Variants in ARID1B observed in about 807,000 individuals in gnomAD.
ARID1B encodes the protein AT-rich interaction domain 1B.
A neutral mutation model predicts 212.3 loss-of-function variants in ARID1B; 30 were observed. The observed-to-expected ratio is 0.14, with a 90% CI of 0.11 to 0.19. ARID1B has a LOEUF of 0.19. Ranked by LOEUF, ARID1B falls within the 10% of genes least tolerant of loss-of-function variation. The pLI is 1.00. For synonymous variants in ARID1B, 1,402 were observed against 1,301.7 expected (o/e 1.08, Z -1.66); for missense variants, 2,891 against 3,204.0 (o/e 0.90, Z 2.36).
intron 1 of ARID1B, among the ~76,000 whole-genome samples, chr6:156,817,984 A>AC (rs1355522905): frequency 2.0e-5 from 3 of 152,060 alleles, no homozygotes; most frequent in Admixed American, 1.3e-4. Context: ...GCATACTTTA[A>AC]CCTACAGTCT....
In ARID1B at chr6:156,990,200, G is replaced by A. The variant is rs1206114475; in HGVS notation, c.2247+54624G>A. 2.1e-5 allele frequency among the ~76,000 whole-genome samples: 3 copies of A among 144,626 alleles called. No individual in the cohort carries two copies. The East Asian group carries it at 6.2e-4, about 30-fold the overall frequency. 94.9% of individuals were successfully genotyped at this position (144,626 alleles called of 152,430 possible). A position where few individuals can be genotyped will look rare whatever the true frequency, so the allele number is the denominator to read the frequency against. On this transcript the variant is annotated intron_variant, in intron 4 of 19. Transcript: ENST00000636930. ...TTTTTTTTTTTTTTTTTTAAAGAGA[G>A]TCTCATTCTGTGGCCCAAGCTGGAG...
At chr6:157,202,438 T>C (rs1471788890) in intron 18 of ARID1B, among the ~76,000 whole-genome samples, 1 of 152,108 alleles carries the variant, frequency 6.6e-6, no homozygotes, top group African/African-American at 2.4e-5. Flanking sequence ...TAAGGAGATG[T>C]AGATTGAGAG....
chr6:156,797,814 T>C (rs1462532938), intron 1 of ARID1B, among the ~76,000 whole-genome samples: 2 of 152,188 alleles, frequency 1.3e-5, no homozygotes, highest in Non-Finnish European at 2.9e-5. Flanking sequence ...GACACTGCCC[T>C]GCGGAGCACG....
At chr6:156,913,326 C>T (rs1431264820) in intron 3 of ARID1B, among the ~76,000 whole-genome samples, 2 of 150,916 alleles carry the variant, frequency 1.3e-5, no homozygotes, top group African/African-American at 4.9e-5. Context: ...AAGCAATTCT[C>T]CTGCCTCAGC....
chr6:157,205,902 G>A (rs1415309090), intron 19 of ARID1B: 1 of 445,610 alleles, frequency 2.2e-6, no homozygotes, highest in Non-Finnish European at 4.1e-6. Context: ...AGAATAAAAA[G>A]TAAGTTTTCG....
chr6:156,931,190 C>CAAAAAAAA, intron 3 of ARID1B, among the ~76,000 whole-genome samples: 1 of 90,186 alleles, frequency 1.1e-5, no homozygotes. Flanking sequence ...GACTCAGTCT[C>CAAAAAAAA]AAAAAAAAAA....
At chr6:157,014,026 G>T (rs1218468462) in intron 4 of ARID1B, among the ~76,000 whole-genome samples, 1 of 152,102 alleles carries the variant, frequency 6.6e-6, no homozygotes, top group Non-Finnish European at 1.5e-5. Flanking sequence ...TTTTGTTTTT[G>T]GTGACTCAGC....
chr6:157,026,865 T>C (rs1780698840), intron 4 of ARID1B, among the ~76,000 whole-genome samples: 1 of 152,190 alleles, frequency 6.6e-6, no homozygotes, highest in Non-Finnish European at 1.5e-5. Context: ...AGTGGAATAG[T>C]GGTATTGTGA....
In ARID1B at chr6:157,200,597, C is replaced by A; in HGVS notation, c.4480-108C>A. ...TGTTGTTATAGGAGCTTCCCATATT[C>A]ATTTTGAAATGAACATTCTAGCAGG... On this transcript the variant is annotated intron_variant, in intron 17 of 19. Transcript: ENST00000636930. This position sits in a 1 kb window ranked among gnomAD's most constrained non-coding sequence, Gnocchi z 4.3. 7.7e-7 allele frequency: 1 copy of A among 1,295,442 alleles called. No homozygotes were observed. The highest frequency in any genetic ancestry group is 1.5e-5 in the African/African-American group (1 of 67,406). The allele number at this position is 1,295,442 out of a possible 1,614,324, so 80.2% of individuals were successfully genotyped here. A position where few individuals can be genotyped will look rare whatever the true frequency, so the allele number is the denominator to read the frequency against.
At chr6:157,164,392 A>G (rs1479976840) in intron 8 of ARID1B, among the ~76,000 whole-genome samples, 1 of 152,208 alleles carries the variant, frequency 6.6e-6, no homozygotes. Flanking sequence ...GAAATCCTAG[A>G]TGAGGGTTGG....
intron 9 of ARID1B, 147 bp from the exon 10 acceptor site, chr6:157,173,861 A>C: frequency 3.2e-6 from 2 of 626,348 alleles, no homozygotes; most frequent in Non-Finnish European, 2.7e-6. Context: ...AGAAATTAAT[A>C]TGCTCCCCAT....
At chr6:157,052,357 G>C (rs913870525) in intron 4 of ARID1B, among the ~76,000 whole-genome samples, 1 of 152,132 alleles carries the variant, frequency 6.6e-6, no homozygotes, top group Non-Finnish European at 1.5e-5. Context: ...GAACCAAGTC[G>C]GCCTGTTGGA....
chr6:157,087,843 C>T (rs1785050228), intron 5 of ARID1B, among the ~76,000 whole-genome samples: 1 of 151,862 alleles, frequency 6.6e-6, no homozygotes, highest in Non-Finnish European at 1.5e-5. Flanking sequence ...GAGTTTGAGC[C>T]TGAGAAGGTT....
chr6:157,167,071 G>A lies in ARID1B; in HGVS notation c.3121G>A (p.Gly1041Arg), dbSNP rs1242775298. 1 of 1,612,504 alleles carries A rather than the reference G, an allele frequency of 6.2e-7. No homozygotes were observed. The highest frequency in any genetic ancestry group is 8.5e-7 in the Non-Finnish European group (1 of 1,180,032). Residue 1041 changes from glycine (G) to arginine (R), a missense_variant, in exon 9 of 20, where the codon GGA becomes AGA. By Grantham distance (125) the Gly-to-Arg change is moderately radical. Transcript: ENST00000636930. ...CAGTTTCCCCGGCATGAACCAGAGT[G>A]GACTTATGGCTTCCAGCTCTCCCTA... is the stretch of plus-strand genomic sequence containing the variant. Reference protein sequence around the residue: ...QGSFPGMNQSGLMASSSPYSQ... With the variant: ...QGSFPGMNQSRLMASSSPYSQ...
chr6:157,021,546 G>C (rs1449657305), intron 4 of ARID1B, among the ~76,000 whole-genome samples: 1 of 152,206 alleles, frequency 6.6e-6, no homozygotes, highest in Non-Finnish European at 1.5e-5. Flanking sequence ...AGGCTCGTGG[G>C]GGCGGGGACA....
intron 4 of ARID1B, among the ~76,000 whole-genome samples, chr6:157,055,018 G>A (rs1187411291): frequency 1.3e-5 from 2 of 152,212 alleles, no homozygotes; most frequent in Non-Finnish European, 2.9e-5. Flanking sequence ...GGAGGGAACA[G>A]AACTCACCAC....
intron 4 of ARID1B, among the ~76,000 whole-genome samples, chr6:156,974,107 G>A (rs1409778268): frequency 6.6e-6 from 1 of 152,136 alleles, no homozygotes; most frequent in Non-Finnish European, 1.5e-5. Flanking sequence ...GAAAACTGTA[G>A]TTTAGTTTTG....
chr6:156,994,525 G>C (rs939853371), intron 4 of ARID1B, among the ~76,000 whole-genome samples: 1 of 151,894 alleles, frequency 6.6e-6, no homozygotes, highest in African/African-American at 2.4e-5. Context: ...TTTATAAAAT[G>C]CTTTTCCTAG....
intron 4 of ARID1B, chr6:157,024,076 T>C (rs1780496488): frequency 6.6e-6 from 1 of 152,244 alleles, no homozygotes; most frequent in East Asian, 1.9e-4. Context: ...TGTGCAGAGA[T>C]GTTACTTAAC....
Sources: gnomAD v4.1 joint callset for allele counts (sites outside exome capture counted in the v4.1 genomes callset) on GRCh38, gnomAD v4.1.1 for gene constraint, Gnocchi (gnomAD v3.1) non-coding constraint, MANE v1.5 for transcripts, NCBI Gene and HGNC (gene_info 2026-07-23, HGNC 2026-07-21) for gene names.